The following RBMS3 variants were observed in gnomAD, a reference collection of about 807,000 sequenced individuals.
RBMS3 encodes the protein RNA-binding motif, single-stranded-interacting protein 3.
RBMS3 carries 27 observed loss-of-function variants against 66.8 expected under a neutral mutation model. The ratio of observed to expected loss-of-function variants is 0.40; its 90% confidence interval spans 0.30 to 0.56. The LOEUF (loss-of-function observed/expected upper bound fraction) is 0.56, where lower values mean the gene tolerates loss of function less well. Among genes scored for constraint, RBMS3 ranks in the 20% least tolerant of loss-of-function variants. The pLI, the probability that RBMS3 is intolerant of heterozygous loss-of-function variation, is 0.40. For synonymous variants in RBMS3, 188 were observed against 183.0 expected (o/e 1.03, Z -0.22); for missense variants, 513 against 549.5 (o/e 0.93, Z 0.66).
rs1576409788 is a variant in RBMS3 at position 29,636,050 on chromosome 3, G to A, written c.399+48845G>A. On this transcript the variant is annotated intron_variant, in intron 4 of 14. Coordinates refer to ENST00000383767, the MANE Select transcript of RBMS3 (RefSeq NM_001003793.3). ...GCTGTCATCAAGAATGTGTGTGTGT[G>A]TGTGTGTGTGTGTGTGTGTGTGTTT... 2.6e-5 allele frequency among the ~76,000 whole-genome samples: 4 copies of A among 151,666 alleles called. 1 individual carries two copies. In the South Asian group the frequency reaches 8.3e-4, roughly 32 times the overall value.
intron 11 of RBMS3, among the ~76,000 whole-genome samples, chr3:29,939,753 T>C (rs1217043752): frequency 6.6e-6 from 1 of 151,798 alleles, no homozygotes; most frequent in Non-Finnish European, 1.5e-5. Context: ...GTAAGCAATC[T>C]CATTCAGTCT....
In RBMS3 at chr3:29,831,262, A is replaced by G. The variant is rs114722849; in HGVS notation, c.638-37596A>G. Among the ~76,000 whole-genome samples, 1,048 of 152,290 alleles carry G rather than the reference A, an allele frequency of 6.9e-3. 7 individuals are homozygous for G. Among genetic ancestry groups the G allele is most frequent in the African/African-American group, 0.024 (999 of 41,578 alleles). On this transcript the variant is annotated intron_variant, in intron 6 of 14. Transcript: ENST00000383767. Reference sequence around the variant, plus strand: ...ATATTTGTTTGCTCATAATATGCCAATCGAATTCTCCTTTTGAGGACTGAG... The same window carrying G: ...ATATTTGTTTGCTCATAATATGCCAGTCGAATTCTCCTTTTGAGGACTGAG...
chr3:29,932,440 T>C (rs113519931), intron 10 of RBMS3, among the ~76,000 whole-genome samples: 5,626 of 152,248 alleles, frequency 0.037, 146 homozygotes, highest in Non-Finnish European at 0.054. Flanking sequence ...TATATCAGAA[T>C]CACCTGGAGA....
At position 29,756,187 on chromosome 3, in the gene RBMS3, G is replaced by A. The variant is rs565092126; in HGVS notation, c.558-6723G>A. Among the ~76,000 whole-genome samples the A allele has an allele frequency of 2.1e-4, 32 of 151,958 alleles. No individual in the cohort carries two copies. In the East Asian group the frequency reaches 5.2e-3, roughly 25 times the overall value. On this transcript the variant is annotated intron_variant, in intron 5 of 14. Coordinates refer to ENST00000383767, the MANE Select transcript of RBMS3 (RefSeq NM_001003793.3). ...ATCAAATACCTTATTTTTGCATATC[G>A]ATTCTCTAATTCTCTGACATCAATT...
chr3:29,422,514 A>T (rs929364850), intron 1 of RBMS3, among the ~76,000 whole-genome samples: 1 of 152,002 alleles, frequency 6.6e-6, no homozygotes, highest in African/African-American at 2.4e-5. Flanking sequence ...ATTGACTTAA[A>T]ATATACTGAA....
intron 3 of RBMS3, among the ~76,000 whole-genome samples, chr3:29,526,099 T>C (rs1344754515): frequency 1.3e-5 from 2 of 152,152 alleles, no homozygotes; most frequent in African/African-American, 4.8e-5. Context: ...ATGTGGTCTA[T>C]AGAGGGACAG....
chr3:29,576,946 C>T (rs1399383078), intron 3 of RBMS3, among the ~76,000 whole-genome samples: 7 of 152,212 alleles, frequency 4.6e-5, no homozygotes, highest in African/African-American at 1.7e-4. Context: ...GACTTAGTGA[C>T]CCTAAGAGCC....
intron 4 of RBMS3, among the ~76,000 whole-genome samples, chr3:29,621,741 T>C (rs1479721529): frequency 6.6e-6 from 1 of 151,174 alleles, no homozygotes. Context: ...GGCAGTAAAA[T>C]GTATGCACAA....
At chr3:29,709,419 A>T (rs2149303802) in intron 4 of RBMS3, among the ~76,000 whole-genome samples, 1 of 152,338 alleles carries the variant, frequency 6.6e-6, no homozygotes, top group Non-Finnish European at 1.5e-5. Context: ...ACCAAGTATC[A>T]GCTCTTGATG....
chr3:29,991,239 C>G, intron 14 of RBMS3, 30 bp downstream of exon 14: 1 of 1,613,602 alleles, frequency 6.2e-7, no homozygotes, highest in Non-Finnish European at 8.5e-7. Flanking sequence ...AGCTCTTTTC[C>G]TCAAGATCAG....
chr3:29,693,392 A>G (rs1182582257), intron 4 of RBMS3, among the ~76,000 whole-genome samples: 5 of 152,168 alleles, frequency 3.3e-5, no homozygotes, highest in African/African-American at 1.2e-4. Flanking sequence ...ACATACATGG[A>G]TGCCTCTGAG....
At chr3:29,731,864 GTC>G (rs1464565799) in intron 4 of RBMS3, among the ~76,000 whole-genome samples, 1 of 151,300 alleles carries the variant, frequency 6.6e-6, no homozygotes, top group Non-Finnish European at 1.5e-5. Context: ...CCCACTGCAA[GTC>G]TCTCTCTGTC....
intron 3 of RBMS3, among the ~76,000 whole-genome samples, chr3:29,576,773 T>C (rs2047137291): frequency 6.6e-6 from 1 of 152,152 alleles, no homozygotes; most frequent in East Asian, 1.9e-4. Context: ...CACTGGCCCA[T>C]TGAGGGGTTC....
At chr3:29,917,052 C>T (rs926319718) in intron 10 of RBMS3, among the ~76,000 whole-genome samples, 1 of 151,990 alleles carries the variant, frequency 6.6e-6, no homozygotes, top group East Asian at 1.9e-4. Flanking sequence ...CAGAGTCATT[C>T]ATTCCTCTAT....
chr3:29,436,022 T>C (rs2041391717), intron 2 of RBMS3, among the ~76,000 whole-genome samples: 1 of 152,022 alleles, frequency 6.6e-6, no homozygotes, highest in Non-Finnish European at 1.5e-5. Context: ...TTGGTTAGTA[T>C]CTGATTATTT....
At chr3:29,389,367 G>C (rs192058395) in intron 1 of RBMS3, among the ~76,000 whole-genome samples, 1 of 152,326 alleles carries the variant, frequency 6.6e-6, no homozygotes, top group East Asian at 1.9e-4. Context: ...TTCTGCTGCA[G>C]AAGTGCGCTT....
chr3:29,653,286 T>TATTG (rs1357061201), intron 4 of RBMS3, among the ~76,000 whole-genome samples: 5 of 152,200 alleles, frequency 3.3e-5, no homozygotes, highest in Admixed American at 3.3e-4. Flanking sequence ...AGTATACTTA[T>TATTG]ATTGCATGGT....
At chr3:29,809,356 C>T (rs1410029260) in intron 6 of RBMS3, among the ~76,000 whole-genome samples, 1 of 151,050 alleles carries the variant, frequency 6.6e-6, no homozygotes, top group African/African-American at 2.4e-5. Flanking sequence ...AAAAAAGATC[C>T]TGTTAAAATA....
intron 1 of RBMS3, among the ~76,000 whole-genome samples, chr3:29,429,874 A>G (rs1048837939): frequency 2.6e-5 from 4 of 152,226 alleles, no homozygotes; most frequent in Admixed American, 2.6e-4. Context: ...AAGCAGAGCC[A>G]CTTTAATCAG....
Sources: gnomAD v4.1 joint callset for allele counts (sites outside exome capture counted in the v4.1 genomes callset) on GRCh38, gnomAD v4.1.1 for gene constraint, MANE v1.5 for transcripts, NCBI Gene and HGNC (gene_info 2026-07-23, HGNC 2026-07-21) for gene names.